SCUBE1: variants seen among roughly 807,000 people sequenced by gnomAD.
SCUBE1 encodes the protein signal peptide, CUB domain and EGF like domain containing 1.
SCUBE1 carries 59 observed loss-of-function variants against 124.4 expected under a neutral mutation model. The observed-to-expected ratio is 0.47, with a 90% confidence interval of 0.38 to 0.59. The LOEUF (loss-of-function observed/expected upper bound fraction) is 0.59, where lower values mean the gene tolerates loss of function less well. Ranked by LOEUF, SCUBE1 falls within the 20% of genes least tolerant of loss-of-function variation. The pLI, the probability that SCUBE1 is intolerant of heterozygous loss-of-function variation, is 0.00. For missense variants in SCUBE1, 1,150 were observed against 1,371.2 expected (o/e 0.84, Z 2.55); for synonymous variants, 545 against 550.9 (o/e 0.99, Z 0.15).
chr22:43,302,330 T>G (rs1482247340), intron 3 of SCUBE1, among the ~76,000 whole-genome samples: 1 of 152,158 alleles, frequency 6.6e-6, no homozygotes, highest in Non-Finnish European at 1.5e-5. Context: ...AGTCTCCCAC[T>G]AAAGAAGCTG....
intron 3 of SCUBE1, among the ~76,000 whole-genome samples, chr22:43,301,178 C>T (rs1196407719): frequency 6.6e-6 from 1 of 152,192 alleles, no homozygotes; most frequent in Non-Finnish European, 1.5e-5. Flanking sequence ...GAGTACAACA[C>T]ATTCGCTCCC....
intron 10 of SCUBE1, among the ~76,000 whole-genome samples, chr22:43,223,994 A>G (rs1922207057): frequency 6.6e-6 from 1 of 152,220 alleles, no homozygotes; most frequent in East Asian, 1.9e-4. Flanking sequence ...CCAAATCCCC[A>G]GGGAAGATCA....
intron 3 of SCUBE1, among the ~76,000 whole-genome samples, chr22:43,299,279 C>T (rs558230206): frequency 2.2e-4 from 33 of 152,252 alleles, no homozygotes; most frequent in Admixed American, 1.0e-3. Context: ...AGCACGAAGC[C>T]GCTGCTCATG....
chr22:43,343,208 T>C lies in SCUBE1; in HGVS notation c.54A>G (p.Thr18=). The change falls in exon 1 of 22, where the codon ACA becomes ACG. Residue 18 remains threonine (T), a synonymous_variant. Coordinates refer to ENST00000360835, the MANE Select transcript of SCUBE1 (RefSeq NM_173050.5). ...WHLCVLLALG[T]RGRLAGGSGL... ...CGCTGCCCCCGGCCAGCCGCCCGCG[T>C]GTGCCCAGGGCCAGCAGCACGCACA... is the stretch of plus-strand genomic sequence containing the variant. 4 of 1,207,212 alleles carry C rather than the reference T, an allele frequency of 3.3e-6. No individual in the cohort carries two copies. Among genetic ancestry groups the C allele is most frequent in the South Asian group, 2.7e-5 (1 of 37,660 alleles). The allele number at this position is 1,207,212 out of a possible 1,614,324, so 74.8% of individuals were successfully genotyped here.
intron 12 of SCUBE1, among the ~76,000 whole-genome samples, chr22:43,222,223 C>T (rs1169248859): frequency 6.6e-6 from 1 of 152,246 alleles, no homozygotes; most frequent in African/African-American, 2.4e-5. Context: ...CAGCGGGTCA[C>T]TCCCAAAGGG....
rs1056252584 is a variant in SCUBE1 at position 43,273,561 on chromosome 22, C to CTTTTTTTTTTTTTTTTTTTTTTTTT, written c.485-10717_485-10716insAAAAAAAAAAAAAAAAAAAAAAAAA. On this transcript the variant is annotated intron_variant, in intron 4 of 21. Coordinates refer to ENST00000360835, the MANE Select transcript of SCUBE1 (RefSeq NM_173050.5). ...TATAAAGTGGGGAGACTAAAACCCT[C>CTTTTTTTTTTTTTTTTTTTTTTTTT]TTTTTTTTTTTTTTTTTTTTTTTTG... Among the ~76,000 whole-genome samples, 3 of 60,972 alleles carry CTTTTTTTTTTTTTTTTTTTTTTTTT rather than the reference C, an allele frequency of 4.9e-5. 1 individual carries two copies. Among genetic ancestry groups the CTTTTTTTTTTTTTTTTTTTTTTTTT allele is most frequent in the African/African-American group, 2.0e-4 (3 of 15,252 alleles). The allele number at this position is 60,972 out of a possible 152,430, so 40.0% of individuals were successfully genotyped here.
rs546823527 is a variant in SCUBE1 at position 43,278,186 on chromosome 22, G to T, written c.484+12860C>A. On this transcript the variant is annotated intron_variant, in intron 4 of 21. Transcript: ENST00000360835. ...TCCGGACCGCACAGGGCCAGGACAG[G>T]CCTCCTCCGGTAGCACCATAAATCT... Among the ~76,000 whole-genome samples, 26 of 152,388 alleles carry T rather than the reference G, an allele frequency of 1.7e-4. No homozygotes were observed. In the South Asian group the frequency reaches 1.9e-3, roughly 11 times the overall value.
chr22:43,204,260 A>G (rs1601789327), intron 21 of SCUBE1, 111 bp from the exon 22 acceptor site: 1 of 826,482 alleles, frequency 1.2e-6, no homozygotes, highest in Non-Finnish European at 2.0e-6. Context: ...GGGTTTCAGG[A>G]CCCCACAGAC....
At chr22:43,338,322 T>G (rs1455469038) in intron 2 of SCUBE1, among the ~76,000 whole-genome samples, 1 of 152,158 alleles carries the variant, frequency 6.6e-6, no homozygotes, top group African/African-American at 2.4e-5. Context: ...GCAGAAAGGC[T>G]GGAGAGACAG....
intron 17 of SCUBE1, 45 bp downstream of exon 17, chr22:43,212,380 C>A: frequency 1.3e-6 from 2 of 1,541,988 alleles, no homozygotes; most frequent in Non-Finnish European, 1.8e-6. Flanking sequence ...GCAGTGCAGC[C>A]CTGCCTCTCG....
rs1276900479 is a variant in SCUBE1, at chr22:43,262,861, G to A, written c.485-16C>T. On this transcript the variant is annotated splice_polypyrimidine_tract_variant and intron_variant, in intron 4 of 21. Coordinates refer to ENST00000360835, the MANE Select transcript of SCUBE1 (RefSeq NM_173050.5). ...TTCATACCCTCTGGGAAGAGAGACA[G>A]ACAAGAGACGGGTTGAAGACCAGGC... 1.2e-5 allele frequency: 20 copies of A among 1,602,704 alleles called. No homozygotes were observed. Among genetic ancestry groups the A allele is most frequent in the Non-Finnish European group, 1.6e-5 (19 of 1,170,584 alleles).
At position 43,339,668 on chromosome 22, in the gene SCUBE1, T is replaced by TTGCTCCAACCCTCCCCCAC. The variant is rs1927213179; in HGVS notation, c.89-434_89-433insGTGGGGGAGGGTTGGAGCA. 7.0e-5 allele frequency among the ~76,000 whole-genome samples: 4 copies of TTGCTCCAACCCTCCCCCAC among 57,272 alleles called. 1 individual carries two copies. The highest frequency in any genetic ancestry group is 3.1e-4 in the African/African-American group (4 of 13,026). The allele number at this position is 57,272 out of a possible 152,430, so 37.6% of individuals were successfully genotyped here. A position where few individuals can be genotyped will look rare whatever the true frequency, so the allele number is the denominator to read the frequency against. ...CAAGCATCACTCCAGCCCTCCCCCA[T>TTGCTCCAACCCTCCCCCAC]TCTCCTCACTCTATCCCCCCACAAG... On this transcript the variant is annotated intron_variant, in intron 1 of 21. Transcript: ENST00000360835.
intron 2 of SCUBE1, among the ~76,000 whole-genome samples, chr22:43,336,850 A>G (rs528809772): frequency 1.8e-4 from 27 of 152,282 alleles, no homozygotes; most frequent in African/African-American, 6.3e-4. Flanking sequence ...TTTAGACAGG[A>G]TACAGAAAGA....
At chr22:43,238,063 C>A (rs1481610719) in intron 7 of SCUBE1, 2 of 152,542 alleles carry the variant, frequency 1.3e-5, no homozygotes, top group Non-Finnish European at 2.9e-5. Context: ...GAGAGCCCAC[C>A]CAGCTCTCCT....
chr22:43,274,743 G>A (rs1924431490), intron 4 of SCUBE1, among the ~76,000 whole-genome samples: 1 of 152,196 alleles, frequency 6.6e-6, no homozygotes, highest in South Asian at 2.1e-4. Flanking sequence ...CTCCACCACT[G>A]TCCACCCACA....
intron 4 of SCUBE1, among the ~76,000 whole-genome samples, chr22:43,267,125 C>T (rs1167470201): frequency 2.6e-5 from 4 of 152,272 alleles, no homozygotes; most frequent in Admixed American, 6.5e-5. Context: ...CATTCTGCCT[C>T]GTAGGAAATC....
intron 6 of SCUBE1, among the ~76,000 whole-genome samples, chr22:43,248,529 C>T (rs768720790): frequency 1.2e-4 from 19 of 152,236 alleles, no homozygotes; most frequent in Non-Finnish European, 2.5e-4. Context: ...GGGCCCAGGA[C>T]TCAACCTGGC....
chr22:43,340,875 C>G (rs1416926340), intron 1 of SCUBE1, among the ~76,000 whole-genome samples: 4 of 152,186 alleles, frequency 2.6e-5, no homozygotes, highest in Admixed American at 6.5e-5. Context: ...CTTCATGCCT[C>G]TGGTCTCACC....
At chr22:43,207,306 A>G (rs546239206) in intron 21 of SCUBE1, among the ~76,000 whole-genome samples, 1 of 151,758 alleles carries the variant, frequency 6.6e-6, no homozygotes, top group Non-Finnish European at 1.5e-5. Flanking sequence ...CTGGTCCCCA[A>G]GTCCTCACCA....
Sources: gnomAD v4.1 joint callset for allele counts (sites outside exome capture counted in the v4.1 genomes callset) on GRCh38, gnomAD v4.1.1 for gene constraint, MANE v1.5 for transcripts, NCBI Gene and HGNC (gene_info 2026-07-23, HGNC 2026-07-21) for gene names.